The following SV2C variants were observed in gnomAD, a reference collection of about 807,000 sequenced individuals.
The protein encoded by SV2C is solute carrier family 22 member B3.
A neutral mutation model predicts 79.7 loss-of-function variants in SV2C; 49 were observed. The observed-to-expected ratio is 0.61, with a 90% CI of 0.49 to 0.78. The LOEUF (loss-of-function observed/expected upper bound fraction) is 0.78. Ranked by LOEUF, SV2C falls within the 30% of genes least tolerant of loss-of-function variation. The probability of loss-of-function intolerance (pLI) is 0.00; values close to 1 mark genes in which losing one functional copy is unlikely to be tolerated. For synonymous variants in SV2C, 334 were observed against 333.2 expected, an observed-to-expected ratio of 1.00 and a Z score of -0.03; for missense variants, 833 against 912.9, an observed-to-expected ratio of 0.91 and a Z score of 1.13.
chr5:76,093,507 C>T (rs945919666), intron 1 of SV2C, among the ~76,000 whole-genome samples: 5 of 152,248 alleles, frequency 3.3e-5, no homozygotes, highest in African/African-American at 1.2e-4. Context: ...CTAAGCCCCT[C>T]ATGAGCAATT....
chr5:75,855,267 T>C, the SV2C span, among the ~76,000 whole-genome samples: 1 of 152,112 alleles, frequency 6.6e-6, no homozygotes, highest in South Asian at 2.1e-4. Flanking sequence ...ATTTTTTTCC[T>C]ATTATAATGG....
intron 4 of SV2C, among the ~76,000 whole-genome samples, chr5:76,238,496 C>G (rs909890069): frequency 3.3e-5 from 5 of 152,026 alleles, no homozygotes; most frequent in Non-Finnish European, 7.4e-5. Context: ...TTTGGTCTCT[C>G]TTTCATGTTG....
intron 12 of SV2C, among the ~76,000 whole-genome samples, chr5:76,325,003 A>G (rs1315593673): frequency 2.0e-5 from 3 of 152,214 alleles, no homozygotes; most frequent in Admixed American, 1.3e-4. Context: ...AGCCTGGGCA[A>G]CCGAGCAAGA....
chr5:76,117,146 A>G (rs1471007689), intron 1 of SV2C, among the ~76,000 whole-genome samples: 1 of 152,232 alleles, frequency 6.6e-6, no homozygotes, highest in Non-Finnish European at 1.5e-5. Context: ...GTTTTACTGC[A>G]GGAGACAGCA....
intron 1 of SV2C, among the ~76,000 whole-genome samples, chr5:76,100,651 T>C (rs1326453409): frequency 6.6e-6 from 1 of 152,192 alleles, no homozygotes; most frequent in Non-Finnish European, 1.5e-5. Flanking sequence ...TAAGCATGCA[T>C]ACCTGTGAGG....
the SV2C span, among the ~76,000 whole-genome samples, chr5:75,851,205 TC>T: frequency 2.6e-5 from 4 of 152,336 alleles, no homozygotes; most frequent in East Asian, 5.8e-4. Flanking sequence ...AGTAGCTCAT[TC>T]TTTTTTAGTG....
At chr5:76,071,961 A>C in the SV2C span, among the ~76,000 whole-genome samples, 1 of 152,226 alleles carries the variant, frequency 6.6e-6, no homozygotes, top group African/African-American at 2.4e-5. Context: ...TGAGCTATAA[A>C]TCATCTGGAT....
At chr5:75,989,711 T>C in the SV2C span, among the ~76,000 whole-genome samples, 1 of 152,052 alleles carries the variant, frequency 6.6e-6, no homozygotes, top group Admixed American at 6.6e-5. Context: ...ATTGCCACAC[T>C]GTCTTCCACA....
At chr5:75,866,209 A>G in the SV2C span, among the ~76,000 whole-genome samples, 1 of 132,592 alleles carries the variant, frequency 7.5e-6, no homozygotes, top group East Asian at 2.0e-4. Flanking sequence ...GTTCATCTCC[A>G]ATGCATTTTT....
the SV2C span, among the ~76,000 whole-genome samples, chr5:75,997,452 G>A: frequency 6.6e-6 from 1 of 151,972 alleles, no homozygotes; most frequent in Non-Finnish European, 1.5e-5. Flanking sequence ...CTGACAAAGG[G>A]CTAATATCCA....
intron 2 of SV2C, among the ~76,000 whole-genome samples, chr5:76,164,377 A>T (rs1420918510): frequency 6.6e-6 from 1 of 152,134 alleles, no homozygotes; most frequent in Non-Finnish European, 1.5e-5. Context: ...AGGGACCATT[A>T]TTTGTGTCAG....
At chr5:76,201,402 G>A (rs1744437166) in intron 3 of SV2C, among the ~76,000 whole-genome samples, 1 of 152,154 alleles carries the variant, frequency 6.6e-6, no homozygotes, top group Admixed American at 6.5e-5. Flanking sequence ...CTGAGGGCCT[G>A]GCACTGCTAA....
intron 12 of SV2C, among the ~76,000 whole-genome samples, chr5:76,344,579 C>T (rs1411481087): frequency 6.6e-6 from 1 of 152,064 alleles, no homozygotes; most frequent in East Asian, 1.9e-4. Context: ...CGTGGTGGTG[C>T]ACGCCTGTAA....
At position 76,170,787 on chromosome 5, in the gene SV2C, G is replaced by A. The variant is rs957456697; in HGVS notation, c.581-24132G>A. On this transcript the variant is annotated intron_variant, in intron 2 of 12. Coordinates refer to ENST00000502798, the MANE Select transcript of SV2C (RefSeq NM_014979.4). The stretch of plus-strand genomic sequence containing the variant: ...AAAAAAACTGAGAAGGCTCGAAGGC[G>A]CCGCGGGCTGGGGTCGGTGGCTTAG... 1.3e-4 allele frequency: 29 copies of A among 227,734 alleles called. 2 individuals are homozygous for A. The highest frequency in any genetic ancestry group is 2.3e-4 in the Non-Finnish European group (27 of 119,932). The allele number at this position is 227,734 out of a possible 1,614,324, so 14.1% of individuals were successfully genotyped here.
chr5:76,341,642 T>C (rs1749443701), intron 12 of SV2C, among the ~76,000 whole-genome samples: 1 of 152,182 alleles, frequency 6.6e-6, no homozygotes, highest in African/African-American at 2.4e-5. Context: ...GAAATGATGA[T>C]AGTTTGTATT....
At chr5:76,068,801 G>A in the SV2C span, among the ~76,000 whole-genome samples, 6 of 152,072 alleles carry the variant, frequency 3.9e-5, no homozygotes, top group East Asian at 1.9e-4. Context: ...TACTGATACC[G>A]AGAGTTGAAA....
At position 76,174,613 on chromosome 5, in the gene SV2C, C is replaced by T. The variant is rs116970069; in HGVS notation, c.581-20306C>T. Among the ~76,000 whole-genome samples the T allele has an allele frequency of 2.2e-3, 329 of 152,252 alleles. 13 individuals are homozygous for T. In the East Asian group the frequency reaches 0.059, roughly 27 times the overall value. On this transcript the variant is annotated intron_variant, in intron 2 of 12. Coordinates refer to ENST00000502798, the MANE Select transcript of SV2C (RefSeq NM_014979.4). ...TCTGTGAAGGCCCAGATAGTGAATA[C>T]GTCAAATTTTTTAGGCCACCTGTGG...
chr5:76,024,304 A>G, the SV2C span, among the ~76,000 whole-genome samples: 1 of 152,186 alleles, frequency 6.6e-6, no homozygotes, highest in Non-Finnish European at 1.5e-5. Context: ...AGCACTTAGC[A>G]GTAGCTAACT....
intron 4 of SV2C, among the ~76,000 whole-genome samples, chr5:76,217,088 C>T (rs1269275202): frequency 6.6e-6 from 1 of 152,210 alleles, no homozygotes; most frequent in Non-Finnish European, 1.5e-5. Context: ...AAGCCCACAG[C>T]ACACTGGGCC....
Sources: gnomAD v4.1 joint callset for allele counts (sites outside exome capture counted in the v4.1 genomes callset) on GRCh38, gnomAD v4.1.1 for gene constraint, MANE v1.5 for transcripts, NCBI Gene and HGNC (gene_info 2026-07-23, HGNC 2026-07-21) for gene names.